The following EIF2AK3 variants were observed in gnomAD, a reference collection of about 807,000 sequenced individuals.
The protein encoded by EIF2AK3 is eukaryotic translation initiation factor 2 alpha kinase 3.
EIF2AK3 carries 50 observed loss-of-function variants against 113.5 expected under a neutral mutation model. The ratio of observed to expected loss-of-function variants is 0.44; its 90% CI spans 0.35 to 0.56. The LOEUF (loss-of-function observed/expected upper bound fraction) is 0.56, where lower values mean the gene tolerates loss of function less well. EIF2AK3 is among the 20% of genes least tolerant of loss of function. The pLI is 0.00. For synonymous variants in EIF2AK3, 448 were observed against 495.4 expected (o/e 0.90, Z 1.27); for missense variants, 1,185 against 1,378.0 (o/e 0.86, Z 2.22).
At chr2:88,571,432 A>G (rs1469045165) in intron 13 of EIF2AK3, among the ~76,000 whole-genome samples, 1 of 152,246 alleles carries the variant, frequency 6.6e-6, no homozygotes, top group African/African-American at 2.4e-5. Context: ...AGAACTTGCA[A>G]TGTGCTAGGC....
At chr2:88,587,364 C>T (rs1674763205) in intron 8 of EIF2AK3, among the ~76,000 whole-genome samples, 1 of 151,794 alleles carries the variant, frequency 6.6e-6, no homozygotes, top group African/African-American at 2.4e-5. Context: ...GATTTGAGGA[C>T]TTCTTAATTA....
At chr2:88,618,839 A>C (rs1675647799) in intron 1 of EIF2AK3, among the ~76,000 whole-genome samples, 1 of 152,024 alleles carries the variant, frequency 6.6e-6, no homozygotes, top group Non-Finnish European at 1.5e-5. Flanking sequence ...CTTGGAAGCC[A>C]CTCTCAAGAA....
intron 1 of EIF2AK3, among the ~76,000 whole-genome samples, 185 bp downstream of exon 1, chr2:88,626,782 A>G (rs1265549004): frequency 1.3e-5 from 2 of 152,234 alleles, no homozygotes; most frequent in Non-Finnish European, 2.9e-5. Context: ...AGCCGAGCCC[A>G]GGCAGGTCGC....
At position 88,575,095 on chromosome 2, in the gene EIF2AK3, TA is replaced by T; in HGVS notation, c.2387del (p.Val796GlufsTer11). On this transcript the variant is annotated frameshift_variant, in exon 13 of 17. Transcript: ENST00000303236. LOFTEE classifies it high-confidence loss of function. ...AAGAGGAGGTTCTCTCCCTTGACCT[TA>T]CATAAGGAGAAGCTTCAGAAGGACA... ...ELCPSEASPY[V>X]RSRERTSSSI... 1.2e-6 allele frequency: 2 copies of T among 1,614,182 alleles called. No homozygotes were observed. Among genetic ancestry groups the T allele is most frequent in the Non-Finnish European group, 1.7e-6 (2 of 1,180,026 alleles).
intron 2 of EIF2AK3, among the ~76,000 whole-genome samples, chr2:88,596,056 T>C (rs1675012751): frequency 6.6e-6 from 1 of 152,162 alleles, no homozygotes. Context: ...GTAACATGAT[T>C]ATGTGTAATA....
chr2:88,582,903 A>G (rs370819875), intron 10 of EIF2AK3, among the ~76,000 whole-genome samples: 240 of 152,280 alleles, frequency 1.6e-3, no homozygotes, highest in African/African-American at 5.5e-3. Context: ...AGTTATCACA[A>G]TGCATCAAAG....
chr2:88,557,463 C>T lies in EIF2AK3; in HGVS notation c.*273G>A. 1 of 490,522 alleles carries T rather than the reference C, an allele frequency of 2.0e-6. No individual in the cohort carries two copies. Among genetic ancestry groups the T allele is most frequent in the Non-Finnish European group, 3.7e-6 (1 of 270,374 alleles). 30.4% of individuals were successfully genotyped at this position (490,522 alleles called of 1,614,324 possible). Reference sequence around the variant, plus strand: ...TAGGGATTGCTGCTACCTCCTTAGGCAAATGGTGAGGGCTATAAAGCTTGG... The same window carrying T: ...TAGGGATTGCTGCTACCTCCTTAGGTAAATGGTGAGGGCTATAAAGCTTGG... On this transcript the variant is annotated 3_prime_UTR_variant, in exon 17 of 17. Coordinates refer to ENST00000303236, the MANE Select transcript of EIF2AK3 (RefSeq NM_004836.7).
intron 2 of EIF2AK3, among the ~76,000 whole-genome samples, chr2:88,606,590 T>C (rs181362828): frequency 8.1e-4 from 124 of 152,282 alleles, no homozygotes; most frequent in African/African-American, 2.9e-3. Flanking sequence ...TGCGTGCAAA[T>C]GAAAAACTGC....
chr2:88,561,071 G>A (rs978094755), intron 15 of EIF2AK3, among the ~76,000 whole-genome samples: 1 of 151,930 alleles, frequency 6.6e-6, no homozygotes, highest in Non-Finnish European at 1.5e-5. Flanking sequence ...CACAATCATA[G>A]TGATCTTCCT....
intron 6 of EIF2AK3, 58 bp downstream of exon 6, chr2:88,590,385 T>C: frequency 6.3e-7 from 1 of 1,580,462 alleles, no homozygotes; most frequent in Non-Finnish European, 8.7e-7. Context: ...AGGAACAATG[T>C]AAGAAGAAAA....
intron 10 of EIF2AK3, among the ~76,000 whole-genome samples, chr2:88,583,035 T>C (rs191737364): frequency 2.6e-5 from 4 of 152,290 alleles, no homozygotes; most frequent in Admixed American, 6.5e-5. Flanking sequence ...AGTGTTTTTT[T>C]CCCTATATTT....
intron 14 of EIF2AK3, among the ~76,000 whole-genome samples, chr2:88,570,412 G>C (rs1674273201): frequency 6.6e-6 from 1 of 152,190 alleles, no homozygotes; most frequent in Non-Finnish European, 1.5e-5. Context: ...TGAAGGCCAA[G>C]CAGCCCACAA....
chr2:88,579,887 G>A (rs1399247053), intron 10 of EIF2AK3: 4 of 409,092 alleles, frequency 9.8e-6, no homozygotes, highest in Non-Finnish European at 1.4e-5. Flanking sequence ...GGAATCACTT[G>A]TTAATCACTT....
chr2:88,564,879 A>G (rs1558644038), intron 14 of EIF2AK3, among the ~76,000 whole-genome samples: 1 of 152,162 alleles, frequency 6.6e-6, no homozygotes, highest in Non-Finnish European at 1.5e-5. Context: ...ATCTCTTTTA[A>G]ATAGGACTGG....
chr2:88,615,640 C>A (rs1675549324), intron 1 of EIF2AK3, among the ~76,000 whole-genome samples: 1 of 152,186 alleles, frequency 6.6e-6, no homozygotes, highest in Non-Finnish European at 1.5e-5. Context: ...CTATAAACCA[C>A]CCAGTCTACA....
At chr2:88,620,517 A>C (rs1675694572) in intron 1 of EIF2AK3, among the ~76,000 whole-genome samples, 1 of 152,236 alleles carries the variant, frequency 6.6e-6, no homozygotes, top group African/African-American at 2.4e-5. Context: ...TTCACTTTTT[A>C]ATGTACCTTC....
intron 16 of EIF2AK3, 113 bp from the exon 17 acceptor site, chr2:88,558,049 ATTC>A (rs2104377471): frequency 8.9e-7 from 1 of 1,126,736 alleles, no homozygotes; most frequent in African/African-American, 1.5e-5. Context: ...TTTGAGCCAT[ATTC>A]GAGTTTTCAA....
chr2:88,588,457 A>G (rs1674794580), intron 7 of EIF2AK3, among the ~76,000 whole-genome samples: 1 of 152,210 alleles, frequency 6.6e-6, no homozygotes, highest in Non-Finnish European at 1.5e-5. Context: ...AACAGTCTTA[A>G]TATAAGTATG....
intron 2 of EIF2AK3, among the ~76,000 whole-genome samples, chr2:88,598,841 A>G (rs537161339): frequency 6.6e-6 from 1 of 152,290 alleles, no homozygotes; most frequent in South Asian, 2.1e-4. Context: ...GGAAATATAC[A>G]CTGATGTATT....
Sources: gnomAD v4.1 joint callset for allele counts (sites outside exome capture counted in the v4.1 genomes callset) on GRCh38, gnomAD v4.1.1 for gene constraint, MANE v1.5 for transcripts, NCBI Gene and HGNC (gene_info 2026-07-23, HGNC 2026-07-21) for gene names.